TES: variants seen among roughly 807,000 people sequenced by gnomAD.
The protein encoded by TES is testin.
A neutral mutation model predicts 48.2 loss-of-function variants in TES; 41 were observed. That is an observed-to-expected ratio of 0.85 (90% CI 0.66 to 1.10). TES has a LOEUF of 1.10. Among genes scored for constraint, TES ranks in the 50% least tolerant of loss-of-function variants. The pLI is 0.00. For missense variants in TES, 463 were observed against 515.1 expected (o/e 0.90, Z 0.98); for synonymous variants, 162 against 174.9 (o/e 0.93, Z 0.58).
At position 116,256,690 on chromosome 7, in the gene TES, G is replaced by A. The variant is rs147813289; in HGVS notation, c.1078-604G>A. Reference sequence around the variant, plus strand: ...TGGTACAGGGATTGTAAGTATTAATGTTCTACAATATTAGATTACACATAA... The same window carrying A: ...TGGTACAGGGATTGTAAGTATTAATATTCTACAATATTAGATTACACATAA... On this transcript the variant is annotated intron_variant, in intron 6 of 6. Transcript: ENST00000358204. Among the ~76,000 whole-genome samples the A allele has an allele frequency of 1.5e-3, 226 of 152,234 alleles. 8 individuals carry two copies. Among genetic ancestry groups the A allele is most frequent in the Admixed American group, 0.014 (210 of 15,288 alleles).
In TES at chr7:116,210,701, C is replaced by G. The variant is rs1012015800; in HGVS notation, c.-7C>G. ...GGAGGAGGAGGGGACCCATAGGACG[C>G]GTTAACATGGACCTGGAAAACAAAG... On this transcript the variant is annotated 5_prime_UTR_variant, in exon 1 of 7. Transcript: ENST00000358204. 2 of 1,274,848 alleles carry G rather than the reference C, an allele frequency of 1.6e-6. No individual in the cohort carries two copies. Among genetic ancestry groups the G allele is most frequent in the African/African-American group, 3.1e-5 (2 of 64,462 alleles). 79.0% of individuals were successfully genotyped at this position (1,274,848 alleles called of 1,614,324 possible). A position where few individuals can be genotyped will look rare whatever the true frequency, so the allele number is the denominator to read the frequency against.
rs1272644374 is a variant in TES at position 116,257,636 on chromosome 7, CA to C, written c.*156del. 36 of 683,274 alleles carry C rather than the reference CA, an allele frequency of 5.3e-5. No homozygotes were observed. In the African/African-American group the frequency reaches 5.7e-4, roughly 11 times the overall value. 42.3% of individuals were successfully genotyped at this position (683,274 alleles called of 1,614,324 possible). On this transcript the variant is annotated 3_prime_UTR_variant, in exon 7 of 7. Coordinates refer to ENST00000358204, the MANE Select transcript of TES (RefSeq NM_015641.4). ...ATTTTTTTGGCCATTTTTTCTTCAT[CA>C]ATTTTTTTTCGGTCTCAACTTTTAA...
intron 1 of TES, among the ~76,000 whole-genome samples, chr7:116,221,332 A>G (rs913083954): frequency 1.3e-5 from 2 of 152,154 alleles, no homozygotes; most frequent in Admixed American, 1.3e-4. Flanking sequence ...TGAACACTGC[A>G]ACGTATTGTG....
intron 1 of TES, among the ~76,000 whole-genome samples, chr7:116,226,650 C>G (rs944269577): frequency 1.3e-5 from 2 of 152,168 alleles, no homozygotes; most frequent in African/African-American, 4.8e-5. Context: ...AGCAATACAA[C>G]GTCATACAAA....
At position 116,257,620 on chromosome 7, in the gene TES, GC is replaced by G; in HGVS notation, c.*140del. 1.1e-6 allele frequency: 1 copy of G among 908,238 alleles called. No homozygotes were observed. Among genetic ancestry groups the G allele is most frequent in the Non-Finnish European group, 1.5e-6 (1 of 674,222 alleles). 56.3% of individuals were successfully genotyped at this position (908,238 alleles called of 1,614,324 possible). ...CAAGAGATTTTGTTTAATTTTTTTG[GC>G]CATTTTTTCTTCATCAATTTTTTTT... On this transcript the variant is annotated 3_prime_UTR_variant, in exon 7 of 7. Transcript: ENST00000358204.
intron 1 of TES, among the ~76,000 whole-genome samples, chr7:116,221,180 T>G (rs1034594788): frequency 3.3e-5 from 5 of 152,130 alleles, no homozygotes; most frequent in Admixed American, 3.3e-4. Context: ...CTTTTGCTAA[T>G]TTAAAAATTA....
chr7:116,255,189 T>TC (rs1800080193), intron 6 of TES: 1 of 152,166 alleles, frequency 6.6e-6, no homozygotes, highest in East Asian at 1.9e-4. Context: ...CATAGGACAC[T>TC]CCTGCAGAGA....
At chr7:116,246,090 A>T (rs1393188809) in intron 2 of TES, among the ~76,000 whole-genome samples, 1 of 152,170 alleles carries the variant, frequency 6.6e-6, no homozygotes, top group Middle Eastern at 3.2e-3. Flanking sequence ...GCCAAACCAT[A>T]TCACTGAGCC....
At position 116,252,324 on chromosome 7, in the gene TES, T is replaced by C; in HGVS notation, c.925T>C (p.Phe309Leu). Residue 309 changes from phenylalanine to leucine, a missense_variant, in exon 6 of 7, where the codon TTC becomes CTC. By Grantham distance (22) the Phe-to-Leu change is conservative. Coordinates refer to ENST00000358204, the MANE Select transcript of TES (RefSeq NM_015641.4). ...PRCAGCDELI[F>L]SNEYTQAENQ... The stretch of plus-strand genomic sequence containing the variant: ...ATTTTTATCTTCTTCCTAGCTGATA[T>C]TCAGCAATGAGTATACCCAGGCAGA... 6.2e-7 allele frequency: 1 copy of C among 1,603,324 alleles called. No individual in the cohort carries two copies.
At chr7:116,218,639 A>G (rs1799521581) in intron 1 of TES, among the ~76,000 whole-genome samples, 1 of 152,108 alleles carries the variant, frequency 6.6e-6, no homozygotes, top group Admixed American at 6.6e-5. Context: ...TACAGACTCT[A>G]AACTCCATAT....
At chr7:116,248,957 T>C in intron 2 of TES, 63 bp from the exon 3 acceptor site, 1 of 1,459,036 alleles carries the variant, frequency 6.9e-7, no homozygotes, top group Non-Finnish European at 9.1e-7. Flanking sequence ...GAACTATAAA[T>C]GTATGAACAT....
intron 2 of TES, among the ~76,000 whole-genome samples, chr7:116,245,865 A>G (rs1213025641): frequency 6.6e-6 from 1 of 152,184 alleles, no homozygotes; most frequent in Admixed American, 6.5e-5. Context: ...CAAAGCAAAC[A>G]TGTTCTTTAC....
chr7:116,210,659 C>T lies in TES; in HGVS notation c.-49C>T. 1 of 1,300,312 alleles carries T rather than the reference C, an allele frequency of 7.7e-7. No individual in the cohort carries two copies. The allele number at this position is 1,300,312 out of a possible 1,614,324, so 80.5% of individuals were successfully genotyped here. A position where few individuals can be genotyped will look rare whatever the true frequency, so the allele number is the denominator to read the frequency against. ...GGAGCCGGAGGCCAGCTGAACCCGG[C>T]CGTGGGATCCCGGATAGGAGGAGGA... On this transcript the variant is annotated 5_prime_UTR_variant, in exon 1 of 7. Transcript: ENST00000358204.
At chr7:116,239,716 A>C (rs372764805) in intron 2 of TES, among the ~76,000 whole-genome samples, 10 of 152,322 alleles carry the variant, frequency 6.6e-5, no homozygotes, top group African/African-American at 2.4e-4. Context: ...CTCCTTTTTC[A>C]GTGTGCCCAT....
At chr7:116,234,228 A>G (rs987971362) in intron 1 of TES, among the ~76,000 whole-genome samples, 6 of 152,112 alleles carry the variant, frequency 3.9e-5, no homozygotes, top group Non-Finnish European at 7.4e-5. Context: ...GGGCTGTACT[A>G]TGGGGCAAGT....
chr7:116,220,096 A>G (rs1233966480), intron 1 of TES, among the ~76,000 whole-genome samples: 2 of 152,168 alleles, frequency 1.3e-5, no homozygotes, highest in East Asian at 3.9e-4. Context: ...GGGGAATTAC[A>G]AAATATTACC....
At chr7:116,250,573 G>T in intron 4 of TES, 77 bp downstream of exon 4, 2 of 1,184,710 alleles carry the variant, frequency 1.7e-6, no homozygotes, top group Non-Finnish European at 2.2e-6. Context: ...AACTTTTTTG[G>T]GGACTATTCC....
At chr7:116,222,952 C>T (rs991139911) in intron 1 of TES, 32 of 984,332 alleles carry the variant, frequency 3.3e-5, no homozygotes, top group Non-Finnish European at 3.9e-5. Context: ...TATAGCCCTA[C>T]ATTGTCTTTC....
intron 2 of TES, among the ~76,000 whole-genome samples, chr7:116,247,846 G>A (rs1799949175): frequency 6.6e-6 from 1 of 152,024 alleles, no homozygotes; most frequent in Non-Finnish European, 1.5e-5. Flanking sequence ...ATGTACCTGT[G>A]CAGTGCAGGT....
Sources: gnomAD v4.1 joint callset for allele counts (sites outside exome capture counted in the v4.1 genomes callset) on GRCh38, gnomAD v4.1.1 for gene constraint, MANE v1.5 for transcripts, NCBI Gene and HGNC (gene_info 2026-07-23, HGNC 2026-07-21) for gene names.